Variants in PPP4R4 observed in about 807,000 individuals in gnomAD.
The protein encoded by PPP4R4 is protein phosphatase 4 regulatory subunit 4, also known as serine/threonine-protein phosphatase 4 regulatory subunit 4.
A neutral mutation model predicts 121.8 loss-of-function variants in PPP4R4; 70 were observed. The ratio of observed to expected loss-of-function variants is 0.57; its 90% CI spans 0.47 to 0.70. The LOEUF (loss-of-function observed/expected upper bound fraction) is 0.70. Among genes scored for constraint, PPP4R4 ranks in the 30% least tolerant of loss-of-function variants. PPP4R4 has a pLI of 0.00. For synonymous variants in PPP4R4, 348 were observed against 355.7 expected (o/e 0.98, Z 0.24); for missense variants, 875 against 1,033.6 (o/e 0.85, Z 2.10).
At chr14:94,210,309 GAATC>G (rs1178337273) in intron 3 of PPP4R4, among the ~76,000 whole-genome samples, 6 of 150,480 alleles carry the variant, frequency 4.0e-5, no homozygotes, top group Non-Finnish European at 8.9e-5. Context: ...TTTATACAAA[GAATC>G]AAAGTGTATA....
At chr14:94,228,697 G>T (rs1891854221) in intron 3 of PPP4R4, among the ~76,000 whole-genome samples, 1 of 152,182 alleles carries the variant, frequency 6.6e-6, no homozygotes, top group Non-Finnish European at 1.5e-5. Context: ...AGAGCATCAA[G>T]AGCAGAAAGC....
intron 14 of PPP4R4, among the ~76,000 whole-genome samples, chr14:94,249,879 G>A (rs1271336276): frequency 6.6e-6 from 1 of 152,042 alleles, no homozygotes; most frequent in East Asian, 1.9e-4. Context: ...TAAAAGAATA[G>A]GTGGCAGGGG....
At position 94,208,479 on chromosome 14, in the gene PPP4R4, C is replaced by T. The variant is rs769672091; in HGVS notation, c.207C>T (p.Val69=). 12 of 1,608,192 alleles carry T rather than the reference C, an allele frequency of 7.5e-6. No homozygotes were observed. In the South Asian group the frequency reaches 8.8e-5, roughly 12 times the overall value. ...TCTTTGTAAGTGCTGGTCAAGATGT[C>T]CAAGGAACAAGTGTGATTGCAAATC... ...AVYLLSAGQD[V]QGTSVIANLP... The change falls in exon 3 of 25, where the codon GTC becomes GTT. Residue 69 remains valine, a synonymous_variant. Coordinates refer to ENST00000304338, the MANE Select transcript of PPP4R4 (RefSeq NM_058237.2).
At chr14:94,259,890 C>T (rs1893681416) in intron 19 of PPP4R4, among the ~76,000 whole-genome samples, 1 of 152,160 alleles carries the variant, frequency 6.6e-6, no homozygotes, top group Non-Finnish European at 1.5e-5. Context: ...CATCAAGAAG[C>T]CATTCCTTTT....
intron 19 of PPP4R4, among the ~76,000 whole-genome samples, chr14:94,262,592 A>T (rs947351061): frequency 2.0e-5 from 3 of 152,032 alleles, no homozygotes; most frequent in Admixed American, 1.3e-4. Context: ...TATGAATTAT[A>T]TCTGCATTGA....
chr14:94,177,868 A>C (rs1286983901), intron 2 of PPP4R4, among the ~76,000 whole-genome samples: 5 of 152,224 alleles, frequency 3.3e-5, no homozygotes, highest in African/African-American at 1.2e-4. Context: ...TCATTCTTGG[A>C]CAAGAGAATT....
rs984184903 is a variant in PPP4R4, at chr14:94,196,932, C to T, written c.192-11532C>T. ...ATTCTCTCTTTAAAAATTAACTATC[C>T]GTGTAATTTAATCATGATCCTTATT... On this transcript the variant is annotated intron_variant, in intron 2 of 24. Transcript: ENST00000304338. Among the ~76,000 whole-genome samples, 17 of 152,058 alleles carry T rather than the reference C, an allele frequency of 1.1e-4. No individual in the cohort carries two copies. In the East Asian group the frequency reaches 1.2e-3, roughly 10 times the overall value.
intron 19 of PPP4R4, among the ~76,000 whole-genome samples, chr14:94,261,756 A>G (rs1017805205): frequency 6.6e-6 from 1 of 151,978 alleles, no homozygotes; most frequent in African/African-American, 2.4e-5. Flanking sequence ...CTAGTTTGCT[A>G]GGAGTTTTTA....
rs867636888 is a variant in PPP4R4 at position 94,238,025 on chromosome 14, C to T, written c.853+339C>T. Among the ~76,000 whole-genome samples the T allele has an allele frequency of 3.3e-5, 5 of 152,304 alleles. No individual in the cohort carries two copies. In the Middle Eastern group the frequency reaches 0.01, roughly 311 times the overall value. On this transcript the variant is annotated intron_variant, in intron 8 of 24. Transcript: ENST00000304338. The stretch of plus-strand genomic sequence containing the variant: ...GGCCTCATGCCACCTCGTAATCTGG[C>T]AGAGAAGTGGAAGGTGAAGCAGGCC...
At chr14:94,208,108 T>A (rs997898125) in intron 2 of PPP4R4, among the ~76,000 whole-genome samples, 10 of 151,940 alleles carry the variant, frequency 6.6e-5, no homozygotes, top group Non-Finnish European at 1.5e-4. Flanking sequence ...ATTTATATAT[T>A]TTTATAAAGT....
At chr14:94,248,887 C>T (rs1411334065) in intron 14 of PPP4R4, among the ~76,000 whole-genome samples, 1 of 152,060 alleles carries the variant, frequency 6.6e-6, no homozygotes, top group South Asian at 2.1e-4. Flanking sequence ...GGCGTAGTAG[C>T]TATTTTTAAT....
At chr14:94,260,780 T>G (rs1283817743) in intron 19 of PPP4R4, among the ~76,000 whole-genome samples, 1 of 152,142 alleles carries the variant, frequency 6.6e-6, no homozygotes, top group East Asian at 1.9e-4. Context: ...TCTGTTCATT[T>G]ATTAATGGTG....
chr14:94,183,258 TA>T (rs927782764), intron 2 of PPP4R4, among the ~76,000 whole-genome samples: 8 of 152,144 alleles, frequency 5.3e-5, no homozygotes, highest in African/African-American at 1.4e-4. Context: ...AGGTCCTCAT[TA>T]AAAAAATTGC....
chr14:94,276,389 G>T (rs142018547), intron 24 of PPP4R4, among the ~76,000 whole-genome samples: 281 of 152,344 alleles, frequency 1.8e-3, no homozygotes, highest in Middle Eastern at 0.01. Flanking sequence ...ACCTGGGCCT[G>T]GGTAATTTAT....
chr14:94,207,766 A>G (rs536325018), intron 2 of PPP4R4, among the ~76,000 whole-genome samples: 9 of 151,822 alleles, frequency 5.9e-5, no homozygotes, highest in Non-Finnish European at 1.2e-4. Flanking sequence ...CTTTGGTTAT[A>G]TTTGAAAACA....
chr14:94,197,814 G>T lies in PPP4R4; in HGVS notation c.192-10650G>T, dbSNP rs1030835237. ...TTTCTGTAAGTGAAAACATACAGTA[G>T]TATTATTTTTTTTGTATGGCTTCTT... is the stretch of plus-strand genomic sequence containing the variant. On this transcript the variant is annotated intron_variant, in intron 2 of 24. Coordinates refer to ENST00000304338, the MANE Select transcript of PPP4R4 (RefSeq NM_058237.2). Among the ~76,000 whole-genome samples, 7 of 152,110 alleles carry T rather than the reference G, an allele frequency of 4.6e-5. No homozygotes were observed. In the East Asian group the frequency reaches 1.3e-3, roughly 29 times the overall value.
intron 2 of PPP4R4, among the ~76,000 whole-genome samples, chr14:94,176,839 G>A (rs552579448): frequency 6.6e-6 from 1 of 152,148 alleles, no homozygotes; most frequent in Admixed American, 6.5e-5. Flanking sequence ...AGCATTTTGC[G>A]TTTATTTAAA....
At chr14:94,202,081 C>G (rs956832385) in intron 2 of PPP4R4, among the ~76,000 whole-genome samples, 1 of 152,004 alleles carries the variant, frequency 6.6e-6, no homozygotes, top group Non-Finnish European at 1.5e-5. Context: ...TATGTTCTCA[C>G]TTATAAGCAG....
Position 94,246,440 on chromosome 14 carries a change from G to C in PPP4R4, c.1512G>C (p.Glu504Asp). 1 of 1,614,074 alleles carries C rather than the reference G, an allele frequency of 6.2e-7. No individual in the cohort carries two copies. The highest frequency in any genetic ancestry group is 8.5e-7 in the Non-Finnish European group (1 of 1,179,946). Residue 504 changes from glutamate to aspartate, a missense_variant, in exon 14 of 25, where the codon GAG becomes GAC. Glu to Asp is a conservative substitution (Grantham distance 45). Transcript: ENST00000304338. ...CCTCTTTAAAATGGAGAACTCATGAGAAGCTACTTCAGAAATATGCCTGCC... is the reference window on the plus strand; with the variant it reads ...CCTCTTTAAAATGGAGAACTCATGACAAGCTACTTCAGAAATATGCCTGCC... ...AAASLKWRTH[E>D]KLLQKYACLP...
Sources: allele counts gnomAD v4.1 joint callset (sites outside exome capture counted in the v4.1 genomes callset), GRCh38; gene constraint gnomAD v4.1.1; transcripts MANE v1.5; gene names NCBI Gene and HGNC (gene_info 2026-07-23, HGNC 2026-07-21).